Variants in PFKFB1 observed in about 807,000 individuals in gnomAD.
PFKFB1 encodes the protein 6-phosphofructo-2-kinase/fructose-2,6-bisphosphatase 1.
Under a neutral mutation model 46.4 loss-of-function variants are expected in PFKFB1, and 34 were observed. The ratio of observed to expected loss-of-function variants is 0.73; its 90% confidence interval spans 0.56 to 0.98. PFKFB1 has a LOEUF of 0.98. Among genes scored for constraint, PFKFB1 ranks in the 50% least tolerant of loss-of-function variants. PFKFB1 has a pLI of 0.00. For synonymous variants in PFKFB1, 119 were observed against 133.8 expected, an observed-to-expected ratio of 0.89 and a Z score of 0.76; for missense variants, 393 against 376.3, an observed-to-expected ratio of 1.04 and a Z score of -0.37.
chrX:54,997,458 C>T (rs1423190312), upstream of PFKFB1, among the ~76,000 whole-genome samples: 7 of 111,552 alleles, frequency 6.3e-5, no homozygotes, highest in African/African-American at 2.3e-4. Flanking sequence ...TTTCCCAAGG[C>T]CCCCAGATCC....
chrX:54,956,921 C>T (rs1051939477), intron 6 of PFKFB1, among the ~76,000 whole-genome samples: 20 of 111,820 alleles, frequency 1.8e-4, no homozygotes, highest in African/African-American at 6.2e-4. Context: ...ATTACTTTGT[C>T]TATATTCTTT....
intron 7 of PFKFB1, 86 bp downstream of exon 7, chrX:54,956,067 C>A (rs1175061519): frequency 5.2e-6 from 3 of 576,705 alleles, no homozygotes; most frequent in Non-Finnish European, 8.3e-6. Context: ...TGAGGCCCAG[C>A]AAGGGAGGAT....
At chrX:54,982,443 G>A (rs1240097104) in intron 1 of PFKFB1, among the ~76,000 whole-genome samples, 2 of 111,421 alleles carry the variant, frequency 1.8e-5, no homozygotes, top group Non-Finnish European at 3.8e-5. Context: ...CCATATCTGT[G>A]GGTTCCACAT....
intron 10 of PFKFB1, among the ~76,000 whole-genome samples, chrX:54,938,979 C>T (rs1933510049): frequency 9.0e-6 from 1 of 111,643 alleles, no homozygotes; most frequent in Non-Finnish European, 1.9e-5. Flanking sequence ...AAATTGACCA[C>T]CTGGTTGGAA....
chrX:54,994,797 CATCT>C (rs1187158646), upstream of PFKFB1: 1 of 750,938 alleles, frequency 1.3e-6, no homozygotes, highest in Non-Finnish European at 1.6e-6. Flanking sequence ...ACTATCCGAT[CATCT>C]TTCTACTCTC....
Position 54,962,609 on chromosome X carries a change from G to A in PFKFB1, c.223+648C>T, listed in dbSNP as rs190309937. ...GGGAAAAAGAAACAAAAATTGGGGA[G>A]AGGAAGGAAGAGGGGGAGAGATAGA... is the stretch of plus-strand genomic sequence containing the variant. On this transcript the variant is annotated intron_variant, in intron 2 of 13. Coordinates refer to ENST00000375006, the MANE Select transcript of PFKFB1 (RefSeq NM_002625.4). 1.3e-3 allele frequency among the ~76,000 whole-genome samples: 150 copies of A among 112,142 alleles called. 1 individual carries two copies. Among genetic ancestry groups the A allele is most frequent in the Admixed American group, 7.9e-3 (83 of 10,551 alleles).
intron 1 of PFKFB1, among the ~76,000 whole-genome samples, chrX:54,976,048 C>T (rs1404883392): frequency 9.0e-6 from 1 of 111,093 alleles, no homozygotes; most frequent in Admixed American, 9.6e-5. Flanking sequence ...TTTTTAGTTA[C>T]ATCACAAAAA....
rs1253332156 is a variant in PFKFB1 at position 54,937,666 on chromosome X, T to C, written c.1157A>G (p.Glu386Gly). The C allele has an allele frequency of 8.3e-7, 1 of 1,205,933 alleles. No individual in the cohort carries two copies. Among genetic ancestry groups the C allele is most frequent in the Non-Finnish European group, 1.1e-6 (1 of 890,237 alleles). ...CTGGTGGCAGATCACCAGTACATTCTCCTGTCGTTCTAGCTCCATTATCAC... is the reference window on the plus strand; with the variant it reads ...CTGGTGGCAGATCACCAGTACATTCCCCTGTCGTTCTAGCTCCATTATCAC... ...EPVIMELERQ[E>G]NVLVICHQAV... The change falls in exon 11 of 14, where the codon GAG (glutamate) becomes GGG (glycine). Residue 386 changes from glutamate to glycine, a missense_variant. Transcript: ENST00000375006.
intron 1 of PFKFB1, among the ~76,000 whole-genome samples, chrX:54,969,780 T>G (rs1934590284): frequency 8.9e-6 from 1 of 111,824 alleles, no homozygotes; most frequent in East Asian, 2.8e-4. Context: ...GTATTGTAAC[T>G]CCCAGTCAAT....
At chrX:54,963,722 A>T (rs1304365219) in intron 1 of PFKFB1, among the ~76,000 whole-genome samples, 4 of 112,494 alleles carry the variant, frequency 3.6e-5, no homozygotes, top group Non-Finnish European at 7.5e-5. Flanking sequence ...GAGAATGTGA[A>T]GCCTGTAGGG....
chrX:54,992,441 T>C (rs183801607), intron 1 of PFKFB1, among the ~76,000 whole-genome samples: 12 of 111,015 alleles, frequency 1.1e-4, no homozygotes, highest in Non-Finnish European at 1.9e-4. Context: ...GTTAAGAGAG[T>C]TGTCCAAGGT....
chrX:54,958,073 G>A (rs954572284), intron 6 of PFKFB1, among the ~76,000 whole-genome samples: 1 of 111,802 alleles, frequency 8.9e-6, no homozygotes, highest in African/African-American at 3.3e-5. Context: ...TGACAGTCAA[G>A]TTTGATATCT....
chrX:54,969,624 T>C (rs1370646813), intron 1 of PFKFB1, among the ~76,000 whole-genome samples: 1 of 112,282 alleles, frequency 8.9e-6, no homozygotes, highest in African/African-American at 3.2e-5. Flanking sequence ...CAATTTGGAA[T>C]AGAAGGGAGC....
chrX:54,991,682 C>A (rs1165069687), intron 1 of PFKFB1, among the ~76,000 whole-genome samples: 1 of 110,187 alleles, frequency 9.1e-6, no homozygotes, highest in Non-Finnish European at 1.9e-5. Flanking sequence ...GGGACTTGCT[C>A]TACCAGGATA....
intron 1 of PFKFB1, among the ~76,000 whole-genome samples, chrX:54,981,442 G>A (rs1934988522): frequency 9.0e-6 from 1 of 111,441 alleles, no homozygotes; most frequent in Non-Finnish European, 1.9e-5. Flanking sequence ...GAAGTTCTAT[G>A]AGAAAATAAC....
upstream of PFKFB1, chrX:54,998,322 A>G (rs139246423): frequency 4.7e-4 from 373 of 801,720 alleles, no homozygotes; most frequent in South Asian, 5.4e-3. Context: ...CCAACCATCT[A>G]TGCAAAGAAA....
At chrX:54,950,338 C>A (rs1337154467) in intron 8 of PFKFB1, among the ~76,000 whole-genome samples, 1 of 111,782 alleles carries the variant, frequency 8.9e-6, no homozygotes, top group Non-Finnish European at 1.9e-5. Context: ...CACATCCCTG[C>A]CCCTCTCTGG....
intron 1 of PFKFB1, among the ~76,000 whole-genome samples, chrX:54,980,056 G>C (rs1208485455): frequency 9.0e-6 from 1 of 110,903 alleles, no homozygotes; most frequent in Non-Finnish European, 1.9e-5. Flanking sequence ...TTGTGAGTAA[G>C]TTGGAAGTGG....
At chrX:54,984,416 G>A (rs1431856781) in intron 1 of PFKFB1, among the ~76,000 whole-genome samples, 3 of 111,826 alleles carry the variant, frequency 2.7e-5, no homozygotes, top group East Asian at 2.8e-4. Flanking sequence ...AGCATGAGGA[G>A]CTCTAAAGAC....
Sources: allele counts gnomAD v4.1 joint callset (sites outside exome capture counted in the v4.1 genomes callset), GRCh38; gene constraint gnomAD v4.1.1; transcripts MANE v1.5; gene names NCBI Gene and HGNC (gene_info 2026-07-23, HGNC 2026-07-21).